The following TCF12 variants were observed in gnomAD, a reference collection of about 807,000 sequenced individuals.
The protein encoded by TCF12 is transcription factor 12.
In TCF12, 45 loss-of-function variants were observed where a neutral mutation model predicts 86.0. The observed-to-expected ratio is 0.52, with a 90% CI of 0.41 to 0.67. TCF12 has a LOEUF of 0.67. Ranked by LOEUF, TCF12 falls within the 30% of genes least tolerant of loss-of-function variation. TCF12 has a pLI of 0.00. For synonymous variants in TCF12, 330 were observed against 299.6 expected, an observed-to-expected ratio of 1.10 and a Z score of -1.05; for missense variants, 881 against 859.9, an observed-to-expected ratio of 1.02 and a Z score of -0.31.
At chr15:57,061,214 T>C (rs576661812) in intron 3 of TCF12, among the ~76,000 whole-genome samples, 12 of 152,348 alleles carry the variant, frequency 7.9e-5, no homozygotes, top group Admixed American at 4.6e-4. Context: ...TCACATAATT[T>C]TGTGTGTCTC....
At chr15:57,179,944 A>T (rs1232368824) in intron 6 of TCF12, among the ~76,000 whole-genome samples, 2 of 152,188 alleles carry the variant, frequency 1.3e-5, no homozygotes, top group Non-Finnish European at 2.9e-5. Context: ...GCCAGTTGCT[A>T]TTGATTACTC....
chr15:57,219,056 T>C (rs569966205), intron 8 of TCF12: 1 of 1,051,494 alleles, frequency 9.5e-7, no homozygotes, highest in African/African-American at 1.7e-5. Flanking sequence ...CCATGGCAGA[T>C]GGTAACGCTG....
intron 5 of TCF12, among the ~76,000 whole-genome samples, chr15:57,121,621 G>T (rs2051239712): frequency 6.6e-6 from 1 of 152,100 alleles, no homozygotes; most frequent in Non-Finnish European, 1.5e-5. Flanking sequence ...ATACAGTATT[G>T]CTCCCCTCAG....
chr15:56,960,934 GT>G (rs2061720530), intron 3 of TCF12, among the ~76,000 whole-genome samples: 1 of 151,666 alleles, frequency 6.6e-6, no homozygotes, highest in Admixed American at 6.6e-5. Flanking sequence ...GAGGTCAGGA[GT>G]TCGAGACCAG....
chr15:57,040,176 T>A (rs2066801441), intron 3 of TCF12, among the ~76,000 whole-genome samples: 1 of 152,218 alleles, frequency 6.6e-6, no homozygotes, highest in South Asian at 2.1e-4. Flanking sequence ...ATATGGATTC[T>A]TTTTTATCTC....
chr15:57,007,798 C>CTTTCTTTCTTTCTT (rs2064506806), intron 3 of TCF12, among the ~76,000 whole-genome samples: 2 of 134,230 alleles, frequency 1.5e-5, no homozygotes, highest in African/African-American at 5.5e-5. Context: ...TTCTCTCTTT[C>CTTTCTTTCTTTCTT]TTTCTTTCTT....
intron 3 of TCF12, among the ~76,000 whole-genome samples, chr15:56,971,325 G>A (rs1416706295): frequency 6.6e-6 from 1 of 152,134 alleles, no homozygotes; most frequent in African/African-American, 2.4e-5. Flanking sequence ...CTACTAGGGA[G>A]GCTGAGATAG....
At chr15:57,225,251 T>A (rs1438612660) in intron 8 of TCF12, among the ~76,000 whole-genome samples, 4 of 84,326 alleles carry the variant, frequency 4.7e-5, no homozygotes, top group East Asian at 3.2e-4. Context: ...TTTTTTTTTT[T>A]AAGACGGAGT....
At chr15:57,022,054 TTATG>T (rs529943161) in intron 3 of TCF12, among the ~76,000 whole-genome samples, 117 of 152,108 alleles carry the variant, frequency 7.7e-4, no homozygotes, top group Admixed American at 2.9e-3. Flanking sequence ...TTTCTTTTTT[TTATG>T]TATGTATGTA....
At chr15:57,109,604 C>T (rs75745241) in intron 5 of TCF12, among the ~76,000 whole-genome samples, 6,106 of 152,184 alleles carry the variant, frequency 0.04, 374 homozygotes, top group Admixed American at 0.17. Flanking sequence ...TAGCCATTAA[C>T]TGAATTAGTT....
chr15:57,032,665 G>A (rs1180711043), intron 3 of TCF12, among the ~76,000 whole-genome samples: 1 of 152,158 alleles, frequency 6.6e-6, no homozygotes, highest in Non-Finnish European at 1.5e-5. Flanking sequence ...GGCTGGTCTT[G>A]AAATCCTGGG....
chr15:57,039,401 C>T (rs2066746979), intron 3 of TCF12, among the ~76,000 whole-genome samples: 1 of 152,306 alleles, frequency 6.6e-6, no homozygotes, highest in East Asian at 1.9e-4. Flanking sequence ...TAGCCAGTTA[C>T]TTCATTGTCA....
In TCF12 at chr15:57,253,482, C is replaced by T; in HGVS notation, c.1467+14C>T. On this transcript the variant is annotated intron_variant, in intron 16 of 20. Coordinates refer to ENST00000333725, the MANE Select transcript of TCF12 (RefSeq NM_207037.2). The stretch of plus-strand genomic sequence containing the variant: ...TCAGCTTCAATGGTAAAATCATGCT[C>T]ATCTTTTTTGTAGTAAACCCTAAAG... The T allele has an allele frequency of 1.2e-6, 2 of 1,613,116 alleles. No homozygotes were observed. Among genetic ancestry groups the T allele is most frequent in the Non-Finnish European group, 8.5e-7 (1 of 1,179,546 alleles).
At chr15:57,220,310 T>C (rs748184522) in intron 8 of TCF12, among the ~76,000 whole-genome samples, 6 of 152,164 alleles carry the variant, frequency 3.9e-5, no homozygotes, top group Non-Finnish European at 7.4e-5. Flanking sequence ...ATGAAAGTCA[T>C]CTAGGATATT....
At chr15:57,112,795 C>T (rs2050581460) in intron 5 of TCF12, among the ~76,000 whole-genome samples, 1 of 152,046 alleles carries the variant, frequency 6.6e-6, no homozygotes, top group South Asian at 2.1e-4. Context: ...TTACTAAAGA[C>T]TCAGACTTTG....
At chr15:57,070,074 A>C (rs570306363) in intron 4 of TCF12, among the ~76,000 whole-genome samples, 54 of 152,198 alleles carry the variant, frequency 3.5e-4, no homozygotes, top group African/African-American at 1.2e-3. Context: ...TTCCTCACTA[A>C]AGTTTGGGGC....
chr15:57,077,052 C>T (rs1486303465), intron 4 of TCF12, among the ~76,000 whole-genome samples: 1 of 152,056 alleles, frequency 6.6e-6, no homozygotes, highest in East Asian at 1.9e-4. Flanking sequence ...GATTTCTATA[C>T]CTTTAAAGTA....
At chr15:57,263,703 G>T (rs1293463648) in intron 18 of TCF12, among the ~76,000 whole-genome samples, 1 of 152,120 alleles carries the variant, frequency 6.6e-6, no homozygotes, top group Non-Finnish European at 1.5e-5. Flanking sequence ...TTTCATCATT[G>T]TGCAAACATA....
At chr15:57,101,580 C>T (rs1000048111) in intron 5 of TCF12, among the ~76,000 whole-genome samples, 7 of 152,212 alleles carry the variant, frequency 4.6e-5, no homozygotes, top group East Asian at 1.9e-4. Flanking sequence ...CTGATACGTA[C>T]GCATGTGCAC....
Sources: allele counts gnomAD v4.1 joint callset (sites outside exome capture counted in the v4.1 genomes callset), GRCh38; gene constraint gnomAD v4.1.1; transcripts MANE v1.5; gene names NCBI Gene and HGNC (gene_info 2026-07-23, HGNC 2026-07-21).